The following ARFGEF3 variants were observed in gnomAD, a reference collection of about 807,000 sequenced individuals.
The protein encoded by ARFGEF3 is brefeldin A-inhibited guanine nucleotide-exchange protein 3.
ARFGEF3 carries 96 observed loss-of-function variants against 221.7 expected under a neutral mutation model. The ratio of observed to expected loss-of-function variants is 0.43; its 90% confidence interval spans 0.37 to 0.51. ARFGEF3 has a LOEUF of 0.51. Ranked by LOEUF, ARFGEF3 falls within the 20% of genes least tolerant of loss-of-function variation. ARFGEF3 has a pLI of 0.00. For missense variants in ARFGEF3, 2,410 were observed against 2,789.9 expected (o/e 0.86, Z 3.07); for synonymous variants, 1,145 against 1,126.8 (o/e 1.02, Z -0.32).
At position 138,205,453 on chromosome 6, in the gene ARFGEF3, A is replaced by G. The variant is rs147857454; in HGVS notation, c.138-1589A>G. Among the ~76,000 whole-genome samples, 33 of 152,288 alleles carry G rather than the reference A, an allele frequency of 2.2e-4. No individual in the cohort carries two copies. The East Asian group carries it at 5.2e-3, about 24-fold the overall frequency. ...AGTTCTGTGCTGCTTCTGTTAGCCT[A>G]CCATCTGCCCTTGGTTCCTACTTCT... On this transcript the variant is annotated intron_variant, in intron 2 of 33. Coordinates refer to ENST00000251691, the MANE Select transcript of ARFGEF3 (RefSeq NM_020340.5).
At chr6:138,296,593 G>T (rs1488077546) in intron 20 of ARFGEF3, among the ~76,000 whole-genome samples, 2 of 152,060 alleles carry the variant, frequency 1.3e-5, no homozygotes, top group Non-Finnish European at 2.9e-5. Flanking sequence ...CACGTCCCAG[G>T]TACCGGGGCT....
rs781324330 is a variant in ARFGEF3 at position 138,170,667 on chromosome 6, C to G, written c.91C>G (p.Leu31Val). 6 of 1,563,678 alleles carry G rather than the reference C, an allele frequency of 3.8e-6. No individual in the cohort carries two copies. In the East Asian group the frequency reaches 1.1e-4, roughly 29 times the overall value. ...TTGTAATTTTTCTTTTGCAGAAACT[C>G]TAGGTGGTCTGGATACCATTGTCAA... ...KESCTWALET[L>V]GGLDTIVKIP... Residue 31 changes from leucine to valine, a missense_variant, in exon 2 of 34, where the codon CTA becomes GTA. By Grantham distance (32) the Leu-to-Val change is conservative (BLOSUM62 1). Around this residue, in one of 5 missense-constraint regions of ARFGEF3, gnomAD observed 570 missense variants for 586.9 expected, o/e 0.97. Coordinates refer to ENST00000251691, the MANE Select transcript of ARFGEF3 (RefSeq NM_020340.5).
At position 138,210,002 on chromosome 6, in the gene ARFGEF3, G is replaced by A. The variant is rs769362995; in HGVS notation, c.312G>A (p.Thr104=). Residue 104 remains threonine (T), a synonymous_variant, in exon 4 of 34, where the codon ACG becomes ACA. Coordinates refer to ENST00000251691, the MANE Select transcript of ARFGEF3 (RefSeq NM_020340.5). ...AGATACTGAATGCCGTGAAAGTGAC[G>A]CCTTCGCTCAACGAGGACCTGCAGG... is the stretch of plus-strand genomic sequence containing the variant. The part of the protein sequence containing the change: ...LNQILNAVKV[T]PSLNEDLQVE... The A allele has an allele frequency of 1.9e-5, 30 of 1,613,690 alleles. 1 individual carries two copies. The highest frequency in any genetic ancestry group is 6.7e-5 in the East Asian group (3 of 44,886).
intron 12 of ARFGEF3, among the ~76,000 whole-genome samples, chr6:138,272,901 A>G (rs927215997): frequency 6.6e-6 from 1 of 152,244 alleles, no homozygotes; most frequent in African/African-American, 2.4e-5. Context: ...ACGCTTGCAG[A>G]AGTACTAACA....
At chr6:138,167,474 C>T (rs1056776373) in intron 1 of ARFGEF3, among the ~76,000 whole-genome samples, 7 of 152,224 alleles carry the variant, frequency 4.6e-5, no homozygotes, top group African/African-American at 1.4e-4. Flanking sequence ...TCTTCCCCAC[C>T]TCTACCTCAC....
At chr6:138,207,670 C>T (rs1180830377) in intron 3 of ARFGEF3, among the ~76,000 whole-genome samples, 2 of 152,160 alleles carry the variant, frequency 1.3e-5, no homozygotes, top group African/African-American at 4.8e-5. Flanking sequence ...TTACACCAAA[C>T]ATAATGGATC....
At chr6:138,249,146 A>C (rs1357850803) in intron 8 of ARFGEF3, among the ~76,000 whole-genome samples, 1 of 152,226 alleles carries the variant, frequency 6.6e-6, no homozygotes, top group Middle Eastern at 3.2e-3. Context: ...AGTTAAGAAC[A>C]CTGGGCTGTG....
chr6:138,195,294 G>A (rs9373213), intron 2 of ARFGEF3, among the ~76,000 whole-genome samples: 11,164 of 151,836 alleles, frequency 0.074, 795 homozygotes, highest in East Asian at 0.37. Flanking sequence ...GTGAGCCACC[G>A]CACCTGGCAA....
chr6:138,249,832 C>T (rs1778547935), intron 8 of ARFGEF3, among the ~76,000 whole-genome samples: 1 of 152,236 alleles, frequency 6.6e-6, no homozygotes, highest in African/African-American at 2.4e-5. Context: ...TTGGTATTTG[C>T]CATCACGACT....
At chr6:138,229,310 C>T (rs1778149517) in intron 4 of ARFGEF3, among the ~76,000 whole-genome samples, 1 of 152,216 alleles carries the variant, frequency 6.6e-6, no homozygotes, top group South Asian at 2.1e-4. Flanking sequence ...CACTTGCCAC[C>T]TGTATGACCT....
At chr6:138,205,682 A>G (rs761110889) in intron 2 of ARFGEF3, among the ~76,000 whole-genome samples, 23 of 152,260 alleles carry the variant, frequency 1.5e-4, no homozygotes, top group Non-Finnish European at 2.8e-4. Flanking sequence ...AGAGTTGGGT[A>G]ATTTATCCAT....
intron 19 of ARFGEF3, among the ~76,000 whole-genome samples, chr6:138,292,724 GGACTCAGATT>G (rs1442944224): frequency 6.6e-6 from 1 of 152,218 alleles, no homozygotes; most frequent in Non-Finnish European, 1.5e-5. Flanking sequence ...CCCTGGGCCA[GGACTCAGATT>G]GACCTGAGTT....
rs1780393772 is a variant in ARFGEF3, at chr6:138,339,718, C to G, written c.*3232C>G. 6.6e-6 allele frequency: 1 copy of G among 152,206 alleles called. No homozygotes were observed. Among genetic ancestry groups the G allele is most frequent in the Admixed American group, 6.5e-5 (1 of 15,280 alleles). 9.4% of individuals were successfully genotyped at this position (152,206 alleles called of 1,614,324 possible). On this transcript the variant is annotated 3_prime_UTR_variant, in exon 34 of 34. Transcript: ENST00000251691. ...GGTTTTCACAATTGAACCTCATGCA[C>G]TGTCCACAGCATCTCACCTAGCTCC... is the stretch of plus-strand genomic sequence containing the variant.
intron 4 of ARFGEF3, among the ~76,000 whole-genome samples, chr6:138,219,073 C>T (rs1777930745): frequency 6.6e-6 from 1 of 152,074 alleles, no homozygotes; most frequent in Admixed American, 6.5e-5. Flanking sequence ...AAAGAGGCAG[C>T]CAATTACCAC....
At chr6:138,197,475 A>T (rs186623182) in intron 2 of ARFGEF3, among the ~76,000 whole-genome samples, 82 of 152,314 alleles carry the variant, frequency 5.4e-4, no homozygotes, top group African/African-American at 1.9e-3. Context: ...AATGTGATGT[A>T]CTGTACCTAA....
chr6:138,315,882 G>C (rs1779917718), intron 26 of ARFGEF3, among the ~76,000 whole-genome samples: 1 of 151,932 alleles, frequency 6.6e-6, no homozygotes, highest in African/African-American at 2.4e-5. Context: ...GTTCAGATTA[G>C]TTGTGAGGAA....
intron 22 of ARFGEF3, among the ~76,000 whole-genome samples, chr6:138,306,315 G>A (rs1182523222): frequency 6.6e-6 from 1 of 152,064 alleles, no homozygotes; most frequent in African/African-American, 2.4e-5. Flanking sequence ...AATTAAAGAA[G>A]ATTCAAATAA....
intron 10 of ARFGEF3, among the ~76,000 whole-genome samples, chr6:138,257,620 G>A (rs1312670696): frequency 2.0e-5 from 3 of 152,070 alleles, no homozygotes; most frequent in Non-Finnish European, 2.9e-5. Context: ...CTAATCCCAC[G>A]GTCTTTTCCT....
At chr6:138,284,859 A>G (rs1377505560) in intron 14 of ARFGEF3, among the ~76,000 whole-genome samples, 2 of 152,364 alleles carry the variant, frequency 1.3e-5, no homozygotes, top group Middle Eastern at 3.4e-3. Flanking sequence ...TTACACACCT[A>G]GGCTAGATGG....
Sources: allele counts gnomAD v4.1 joint callset (sites outside exome capture counted in the v4.1 genomes callset), GRCh38; gene constraint gnomAD v4.1.1; regional missense constraint gnomAD v4.1.1; transcripts MANE v1.5; gene names NCBI Gene and HGNC (gene_info 2026-07-23, HGNC 2026-07-21).